LRP6: variants seen among roughly 807,000 people sequenced by gnomAD.
LRP6 encodes the protein low-density lipoprotein receptor-related protein 6.
A neutral mutation model predicts 184.1 loss-of-function variants in LRP6; 43 were observed. That is an observed-to-expected ratio of 0.23 (90% CI 0.18 to 0.30). The LOEUF (loss-of-function observed/expected upper bound fraction) is 0.30. LRP6 is among the 10% of genes least tolerant of loss of function. LRP6 has a pLI of 1.00. For missense variants in LRP6, 1,571 were observed against 2,005.3 expected (o/e 0.78, Z 4.14); for synonymous variants, 719 against 684.9 (o/e 1.05, Z -0.78).
chr12:12,146,611 G>A (rs918458417), intron 15 of LRP6, among the ~76,000 whole-genome samples: 3 of 152,214 alleles, frequency 2.0e-5, no homozygotes, highest in African/African-American at 7.2e-5. Context: ...ATGAGGTTGT[G>A]AAAGGTGAAT....
chr12:12,205,244 G>A (rs1025273243), intron 2 of LRP6, among the ~76,000 whole-genome samples: 2 of 149,032 alleles, frequency 1.3e-5, no homozygotes, highest in African/African-American at 2.5e-5. Context: ...TTGAATCCAG[G>A]AGGCGGATGT....
Position 12,162,205 on chromosome 12 carries a change from T to A in LRP6, c.2267A>T (p.Asp756Val). The change falls in exon 10 of 23, where the codon GAC (aspartate) becomes GTC (valine). Residue 756 changes from aspartate to valine, a missense_variant. By Grantham distance (152) the Asp-to-Val change is radical. Transcript: ENST00000261349. The part of the protein sequence containing the change: ...DLDSPRALAL[D>V]PAEGFMYWTE... The stretch of plus-strand genomic sequence containing the variant: ...TAAAGCTGTTTACCCTTCGGCAGGG[T>A]CCAACGCGAGAGCTCTGGGACTATC... 1 of 1,614,142 alleles carries A rather than the reference T, an allele frequency of 6.2e-7. No homozygotes were observed. The highest frequency in any genetic ancestry group is 8.5e-7 in the Non-Finnish European group (1 of 1,179,992).
At chr12:12,254,886 T>C (rs1865422618) in intron 1 of LRP6, among the ~76,000 whole-genome samples, 1 of 152,194 alleles carries the variant, frequency 6.6e-6, no homozygotes, top group South Asian at 2.1e-4. Flanking sequence ...CCCAAATTTA[T>C]AGGTATTACA....
intron 2 of LRP6, among the ~76,000 whole-genome samples, chr12:12,225,748 T>C (rs1267982976): frequency 1.3e-5 from 2 of 151,898 alleles, no homozygotes; most frequent in Non-Finnish European, 2.9e-5. Flanking sequence ...GGAGGACACC[T>C]GTAATCCCAG....
chr12:12,156,642 C>T (rs1439571938), intron 12 of LRP6, among the ~76,000 whole-genome samples: 1 of 152,206 alleles, frequency 6.6e-6, no homozygotes, highest in Non-Finnish European at 1.5e-5. Flanking sequence ...CCTGAAATTA[C>T]TCTCTTCAGG....
intron 2 of LRP6, among the ~76,000 whole-genome samples, chr12:12,223,000 CA>C (rs1864530753): frequency 6.6e-6 from 1 of 151,910 alleles, no homozygotes; most frequent in Non-Finnish European, 1.5e-5. Flanking sequence ...TCTCTGAAGC[CA>C]AAATTATAGA....
chr12:12,132,381 C>T (rs1054472170), intron 17 of LRP6, among the ~76,000 whole-genome samples: 16 of 152,186 alleles, frequency 1.1e-4, no homozygotes, highest in Non-Finnish European at 1.8e-4. Context: ...TTACCAAAGA[C>T]TTTAAAGTTA....
intron 2 of LRP6, among the ~76,000 whole-genome samples, chr12:12,243,644 G>C (rs1204149717): frequency 6.6e-6 from 1 of 152,138 alleles, no homozygotes; most frequent in Non-Finnish European, 1.5e-5. Flanking sequence ...GGGCACAGTG[G>C]CTCACACCTG....
Position 12,120,037 on chromosome 12 carries a change from ATAT to A in LRP6, c.*1086_*1088del, listed in dbSNP as rs1949583241. ...TATATATATATATATATATATATATATATATAAATGATTTCGTACTGTGATATA... is the reference window on the plus strand; with the variant it reads ...TATATATATATATATATATATATATAATAAATGATTTCGTACTGTGATATA... On this transcript the variant is annotated 3_prime_UTR_variant, in exon 23 of 23. Coordinates refer to ENST00000261349, the MANE Select transcript of LRP6 (RefSeq NM_002336.3). 3 of 121,242 alleles carry A rather than the reference ATAT, an allele frequency of 2.5e-5. No homozygotes were observed. Among genetic ancestry groups the A allele is most frequent in the Non-Finnish European group, 3.4e-5 (2 of 58,004 alleles). 7.5% of individuals were successfully genotyped at this position (121,242 alleles called of 1,614,324 possible).
At chr12:12,233,309 T>C (rs1315117062) in intron 2 of LRP6, among the ~76,000 whole-genome samples, 1 of 151,804 alleles carries the variant, frequency 6.6e-6, no homozygotes, top group East Asian at 1.9e-4. Flanking sequence ...CTACTAAAAA[T>C]ACAAAAAAAT....
chr12:12,162,231 T>A lies in LRP6; in HGVS notation c.2241A>T (p.Leu747=). ...CCAACGCGAGAGCTCTGGGACTATC[T>A]AGGTCTTTCCACACCAAAACTTGTC... ...QHRQVLVWKD[L]DSPRALALDP... The change falls in exon 10 of 23, where the codon CTA becomes CTT. Residue 747 remains leucine (L), a synonymous_variant. Coordinates refer to ENST00000261349, the MANE Select transcript of LRP6 (RefSeq NM_002336.3). 6.2e-7 allele frequency: 1 copy of A among 1,614,196 alleles called. No homozygotes were observed. Among genetic ancestry groups the A allele is most frequent in the Non-Finnish European group, 8.5e-7 (1 of 1,180,032 alleles).
intron 2 of LRP6, among the ~76,000 whole-genome samples, chr12:12,221,177 G>A (rs1864478595): frequency 6.6e-6 from 1 of 152,160 alleles, no homozygotes; most frequent in African/African-American, 2.4e-5. Flanking sequence ...ACATCTTGAT[G>A]CAAACTGATA....
chr12:12,219,029 G>A (rs1864419588), intron 2 of LRP6, among the ~76,000 whole-genome samples: 1 of 151,484 alleles, frequency 6.6e-6, no homozygotes, highest in South Asian at 2.1e-4. Context: ...CCTGAGGTCA[G>A]GAGTTTGAGA....
At chr12:12,226,449 A>T (rs902573016) in intron 2 of LRP6, among the ~76,000 whole-genome samples, 8 of 152,350 alleles carry the variant, frequency 5.3e-5, no homozygotes, top group Non-Finnish European at 8.8e-5. Flanking sequence ...AAAACAGACA[A>T]CATGGAAGAA....
intron 1 of LRP6, among the ~76,000 whole-genome samples, chr12:12,259,496 C>T (rs185300571): frequency 5.9e-4 from 90 of 152,180 alleles, no homozygotes; most frequent in African/African-American, 2.1e-3. Context: ...TATGATACCG[C>T]TAAAAGGATC....
At chr12:12,249,910 T>C (rs1160788182) in intron 1 of LRP6, among the ~76,000 whole-genome samples, 2 of 152,310 alleles carry the variant, frequency 1.3e-5, no homozygotes, top group East Asian at 1.9e-4. Flanking sequence ...TGGTACACAA[T>C]TCTAACCTTA....
rs552993413 is a variant in LRP6 at position 12,141,902 on chromosome 12, T to G, written c.3398-3368A>C. Among the ~76,000 whole-genome samples the G allele has an allele frequency of 2.6e-5, 4 of 152,338 alleles. No homozygotes were observed. The East Asian group carries it at 7.7e-4, about 29-fold the overall frequency. ...TAGTCACAGGTGGGTCCTTTCTATCTGCAAACTTGTGCCTCGAATTCTGGA... is the reference window on the plus strand; with the variant it reads ...TAGTCACAGGTGGGTCCTTTCTATCGGCAAACTTGTGCCTCGAATTCTGGA... On this transcript the variant is annotated intron_variant, in intron 15 of 22. Coordinates refer to ENST00000261349, the MANE Select transcript of LRP6 (RefSeq NM_002336.3).
chr12:12,196,454 T>C lies in LRP6; in HGVS notation c.647+6749A>G, dbSNP rs986545377. Among the ~76,000 whole-genome samples the C allele has an allele frequency of 5.3e-5, 8 of 152,252 alleles. No homozygotes were observed. In the South Asian group the frequency reaches 8.3e-4, roughly 16 times the overall value. On this transcript the variant is annotated intron_variant, in intron 3 of 22. Transcript: ENST00000261349. ...TCCTAGGTATTTTATTAATTTCTTA[T>C]AGCTATTGTAAATGACACTGCCTTC...
chr12:12,256,197 G>C (rs1315051582), intron 1 of LRP6, among the ~76,000 whole-genome samples: 1 of 152,146 alleles, frequency 6.6e-6, no homozygotes, highest in African/African-American at 2.4e-5. Context: ...ACGATTGACA[G>C]GGCTATTCAG....
Sources: allele counts gnomAD v4.1 joint callset (sites outside exome capture counted in the v4.1 genomes callset), GRCh38; gene constraint gnomAD v4.1.1; transcripts MANE v1.5; gene names NCBI Gene and HGNC (gene_info 2026-07-23, HGNC 2026-07-21).